The following CADM2 variants were observed in gnomAD, a reference collection of about 807,000 sequenced individuals.
The protein encoded by CADM2 is cell adhesion molecule 2.
A neutral mutation model predicts 49.8 loss-of-function variants in CADM2; 12 were observed. The observed-to-expected ratio is 0.24, with a 90% CI of 0.15 to 0.39. CADM2 has a LOEUF of 0.39. Among genes scored for constraint, CADM2 ranks in the 10% least tolerant of loss-of-function variants. The pLI is 1.00. For synonymous variants in CADM2, 214 were observed against 175.4 expected, an observed-to-expected ratio of 1.22 and a Z score of -1.74; for missense variants, 378 against 492.3, an observed-to-expected ratio of 0.77 and a Z score of 2.20.
At chr3:85,497,901 A>G (rs2039968639) in intron 1 of CADM2, among the ~76,000 whole-genome samples, 1 of 151,886 alleles carries the variant, frequency 6.6e-6, no homozygotes, top group African/African-American at 2.4e-5. Context: ...GTGTGTTTGT[A>G]TATATATAAA....
intron 1 of CADM2, among the ~76,000 whole-genome samples, chr3:85,290,173 G>T (rs1576290356): frequency 6.6e-6 from 1 of 152,142 alleles, no homozygotes; most frequent in East Asian, 1.9e-4. Flanking sequence ...TCAAAGAAAG[G>T]GGTGACAGGC....
intron 1 of CADM2, among the ~76,000 whole-genome samples, chr3:85,361,786 A>G (rs1213530281): frequency 2.6e-5 from 4 of 152,294 alleles, no homozygotes; most frequent in Non-Finnish European, 5.9e-5. Context: ...ATTAGTCACA[A>G]TGCCATGTCT....
chr3:85,393,168 TA>T (rs1285452705), intron 1 of CADM2, among the ~76,000 whole-genome samples: 2 of 151,670 alleles, frequency 1.3e-5, no homozygotes, highest in African/African-American at 4.8e-5. Flanking sequence ...AATGGAACTG[TA>T]AAGAGCTAAT....
At chr3:85,016,810 A>G in intron 1 of CADM2, among the ~76,000 whole-genome samples, 1 of 152,066 alleles carries the variant, frequency 6.6e-6, no homozygotes, top group East Asian at 1.9e-4. Flanking sequence ...AATAAAAAGA[A>G]AAAGAAAAGA....
At chr3:84,999,280 T>A (rs552552031) in intron 1 of CADM2, among the ~76,000 whole-genome samples, 1 of 152,168 alleles carries the variant, frequency 6.6e-6, no homozygotes, top group African/African-American at 2.4e-5. Flanking sequence ...TAAACCACTC[T>A]GGTCATAATA....
chr3:85,361,746 C>A (rs2032376508), intron 1 of CADM2, among the ~76,000 whole-genome samples: 1 of 152,128 alleles, frequency 6.6e-6, no homozygotes, highest in African/African-American at 2.4e-5. Flanking sequence ...CGAGACCAGT[C>A]CACTTCTTAA....
chr3:85,612,980 G>A (rs55858180), intron 1 of CADM2, among the ~76,000 whole-genome samples: 1,699 of 151,716 alleles, frequency 0.011, 35 homozygotes, highest in African/African-American at 0.039. Context: ...AATTGATCAT[G>A]GAGTCTTTTG....
At chr3:85,371,587 C>A (rs1013826006) in intron 1 of CADM2, among the ~76,000 whole-genome samples, 4 of 144,770 alleles carry the variant, frequency 2.8e-5, no homozygotes, top group Non-Finnish European at 6.0e-5. Context: ...TTTTCAGAAC[C>A]TATCTTCATC....
At chr3:85,388,732 A>G (rs1293566990) in intron 1 of CADM2, among the ~76,000 whole-genome samples, 7 of 152,102 alleles carry the variant, frequency 4.6e-5, no homozygotes, top group Admixed American at 3.9e-4. Context: ...TAAGGAGGAA[A>G]AGAGAGAACC....
intron 1 of CADM2, among the ~76,000 whole-genome samples, chr3:85,597,473 T>G (rs79568348): frequency 0.042 from 6,366 of 152,204 alleles, 449 homozygotes; most frequent in African/African-American, 0.14. Flanking sequence ...GCTTGTTTGT[T>G]TCATCTATGT....
chr3:85,444,955 A>G (rs1194340330), intron 1 of CADM2, among the ~76,000 whole-genome samples: 1 of 152,108 alleles, frequency 6.6e-6, no homozygotes, highest in African/African-American at 2.4e-5. Context: ...AATTTTTAGA[A>G]CAGTGTCTAG....
chr3:85,076,980 A>G (rs1272329904), intron 1 of CADM2, among the ~76,000 whole-genome samples: 1 of 152,156 alleles, frequency 6.6e-6, no homozygotes, highest in African/African-American at 2.4e-5. Context: ...TCAAAATAGT[A>G]ATAACAATAA....
At chr3:86,062,336 T>G (rs1738759299) in intron 8 of CADM2, among the ~76,000 whole-genome samples, 1 of 152,162 alleles carries the variant, frequency 6.6e-6, no homozygotes. Context: ...TTTTTGGAGA[T>G]TTATGGGCAA....
intron 1 of CADM2, among the ~76,000 whole-genome samples, chr3:85,499,037 A>C (rs897401132): frequency 1.1e-4 from 16 of 152,172 alleles, no homozygotes; most frequent in Non-Finnish European, 2.4e-4. Flanking sequence ...TGATTTCAAA[A>C]TGTTGTTTCA....
intron 1 of CADM2, among the ~76,000 whole-genome samples, chr3:85,705,113 G>A (rs560203339): frequency 2.0e-5 from 3 of 147,104 alleles, no homozygotes; most frequent in East Asian, 2.0e-4. Context: ...TGATCCACCC[G>A]TCTGGGCCTC....
At chr3:85,125,062 T>C (rs2038983606) in intron 1 of CADM2, among the ~76,000 whole-genome samples, 2 of 152,156 alleles carry the variant, frequency 1.3e-5, no homozygotes, top group South Asian at 4.1e-4. Flanking sequence ...CTGTCTAAAA[T>C]TTAATCAGCA....
At chr3:85,290,469 C>T (rs1367557711) in intron 1 of CADM2, among the ~76,000 whole-genome samples, 1 of 152,206 alleles carries the variant, frequency 6.6e-6, no homozygotes. Context: ...CCTCTGTAGG[C>T]TCCATCTCTG....
intron 1 of CADM2, among the ~76,000 whole-genome samples, chr3:85,675,551 C>T (rs554294746): frequency 1.3e-5 from 2 of 152,242 alleles, no homozygotes; most frequent in East Asian, 3.9e-4. Context: ...GTCTTCTGTT[C>T]TCATGCACAA....
chr3:85,807,607 G>T (rs1265435066), intron 3 of CADM2, among the ~76,000 whole-genome samples: 2 of 151,846 alleles, frequency 1.3e-5, no homozygotes, highest in African/African-American at 2.4e-5. Context: ...GGGCTGAGCT[G>T]AACAATTCAG....
Sources: allele counts gnomAD v4.1 joint callset (sites outside exome capture counted in the v4.1 genomes callset), GRCh38; gene constraint gnomAD v4.1.1; transcripts MANE v1.5; gene names NCBI Gene and HGNC (gene_info 2026-07-23, HGNC 2026-07-21).